The following TNIK variants were observed in gnomAD, a reference collection of about 807,000 sequenced individuals.
The protein encoded by TNIK is TRAF2 and NCK interacting kinase.
A neutral mutation model predicts 191.3 loss-of-function variants in TNIK; 49 were observed. The ratio of observed to expected loss-of-function variants is 0.26; its 90% CI spans 0.20 to 0.32. The LOEUF is 0.32. TNIK is among the 10% of genes least tolerant of loss of function. The probability of loss-of-function intolerance (pLI) is 1.00; values close to 1 mark genes in which losing one functional copy is unlikely to be tolerated. For missense variants in TNIK, 1,155 were observed against 1,702.3 expected, an observed-to-expected ratio of 0.68 and a Z score of 5.66; for synonymous variants, 594 against 600.9, an observed-to-expected ratio of 0.99 and a Z score of 0.17.
chr3:171,184,098 T>C (rs1003825847), intron 7 of TNIK, among the ~76,000 whole-genome samples: 2 of 152,096 alleles, frequency 1.3e-5, no homozygotes, highest in Non-Finnish European at 2.9e-5. Flanking sequence ...AACCTCCGAA[T>C]AAACAATTTA....
intron 20 of TNIK, 91 bp downstream of exon 20, chr3:171,107,974 G>A (rs1176878159): frequency 7.8e-7 from 1 of 1,284,058 alleles, no homozygotes; most frequent in South Asian, 1.4e-5. Context: ...AACAATTTTT[G>A]TTTGCATCAT....
chr3:171,459,706 A>ACACACACACACG (rs1553784810), intron 1 of TNIK, among the ~76,000 whole-genome samples: 11 of 150,266 alleles, frequency 7.3e-5, no homozygotes, highest in Non-Finnish European at 1.2e-4. Flanking sequence ...ACACACACGC[A>ACACACACACACG]CACACGCCTT....
At chr3:171,406,940 A>T (rs1168620279) in intron 1 of TNIK, among the ~76,000 whole-genome samples, 1 of 152,238 alleles carries the variant, frequency 6.6e-6, no homozygotes, top group South Asian at 2.1e-4. Flanking sequence ...CTGTACCTTG[A>T]AGAAAGAAGG....
At chr3:171,363,449 T>C (rs1300142002) in intron 2 of TNIK, among the ~76,000 whole-genome samples, 1 of 152,194 alleles carries the variant, frequency 6.6e-6, no homozygotes, top group Non-Finnish European at 1.5e-5. Flanking sequence ...ACAGGGCTTT[T>C]TTCATGGGCA....
chr3:171,324,714 T>A (rs1755547004), intron 2 of TNIK, among the ~76,000 whole-genome samples: 1 of 151,906 alleles, frequency 6.6e-6, no homozygotes, highest in East Asian at 1.9e-4. Flanking sequence ...GTTGTTATTG[T>A]TGTTGTTTTT....
rs549824954 is a variant in TNIK at position 171,222,721 on chromosome 3, A to G, written c.180+5444T>C. 4.6e-5 allele frequency among the ~76,000 whole-genome samples: 7 copies of G among 152,296 alleles called. No individual in the cohort carries two copies. In the South Asian group the frequency reaches 1.5e-3, roughly 32 times the overall value. On this transcript the variant is annotated intron_variant, in intron 3 of 32. Transcript: ENST00000436636. ...AAGACCACTTCCTTACTCTTCAGAA[A>G]GAGATGGAGGCTGGTCATAAGCTTC...
intron 2 of TNIK, among the ~76,000 whole-genome samples, chr3:171,279,962 A>G (rs527965979): frequency 2.3e-4 from 35 of 152,308 alleles, no homozygotes; most frequent in African/African-American, 7.7e-4. Context: ...CATGCACCAT[A>G]AAGAAAAAGA....
At chr3:171,118,661 T>C (rs1288706739) in intron 18 of TNIK, among the ~76,000 whole-genome samples, 10 of 152,096 alleles carry the variant, frequency 6.6e-5, no homozygotes, top group South Asian at 2.1e-4. Context: ...TGATCTTTGA[T>C]AAACCTGACA....
rs779072977 is a variant in TNIK, at chr3:171,157,496, G to A, written c.1185C>T (p.Ile395=). ...GCCGCCTCTGCTCTTTCTGCTCCTCGATGCGCTTCTGACGCTCGGCCAGCA... is the reference window on the plus strand; with the variant it reads ...GCCGCCTCTGCTCTTTCTGCTCCTCAATGCGCTTCTGACGCTCGGCCAGCA... The part of the protein sequence containing the change: ...RQLLAERQKR[I]EEQKEQRRRL... The change falls in exon 12 of 33, where the codon ATC becomes ATT. Residue 395 remains isoleucine, a synonymous_variant. Coordinates refer to ENST00000436636, the MANE Select transcript of TNIK (RefSeq NM_015028.4). The A allele has an allele frequency of 1.9e-5, 30 of 1,575,050 alleles. No individual in the cohort carries two copies. The highest frequency in any genetic ancestry group is 2.4e-5 in the East Asian group (1 of 42,504).
intron 2 of TNIK, among the ~76,000 whole-genome samples, chr3:171,284,424 G>A (rs1039462215): frequency 2.0e-5 from 3 of 151,932 alleles, no homozygotes; most frequent in African/African-American, 4.8e-5. Context: ...CTTCACACCC[G>A]CTTTCCAGGG....
intron 20 of TNIK, among the ~76,000 whole-genome samples, chr3:171,107,639 TC>T (rs1345702979): frequency 1.3e-5 from 2 of 152,090 alleles, no homozygotes; most frequent in African/African-American, 2.4e-5. Flanking sequence ...GAAAATATAG[TC>T]CTGGAGGCAT....
intron 2 of TNIK, among the ~76,000 whole-genome samples, chr3:171,313,132 A>C (rs560051395): frequency 6.6e-6 from 1 of 152,284 alleles, no homozygotes; most frequent in South Asian, 2.1e-4. Context: ...ACCAGCAGGT[A>C]GTTTATAAAC....
At chr3:171,082,707 C>T in intron 26 of TNIK, 1 of 233,848 alleles carries the variant, frequency 4.3e-6, no homozygotes, top group Non-Finnish European at 8.3e-6. Context: ...GCCTTTATTC[C>T]CTGCCTGGAA....
At chr3:171,254,072 G>A (rs1404610443) in intron 2 of TNIK, among the ~76,000 whole-genome samples, 1 of 152,068 alleles carries the variant, frequency 6.6e-6, no homozygotes, top group Non-Finnish European at 1.5e-5. Flanking sequence ...TCATCCCAAA[G>A]TGCAAATGAT....
intron 19 of TNIK, among the ~76,000 whole-genome samples, chr3:171,110,135 G>A (rs905359859): frequency 6.6e-6 from 1 of 152,118 alleles, no homozygotes; most frequent in Non-Finnish European, 1.5e-5. Context: ...TGGAACTCCC[G>A]ACCTTAGGTG....
At chr3:171,453,158 C>T (rs1377327201) in intron 1 of TNIK, among the ~76,000 whole-genome samples, 3 of 152,072 alleles carry the variant, frequency 2.0e-5, no homozygotes, top group Admixed American at 6.6e-5. Context: ...ATTTGTTGAA[C>T]GAACGCCTGC....
chr3:171,389,469 C>CCCAG (rs1719177841), intron 1 of TNIK, among the ~76,000 whole-genome samples: 1 of 152,046 alleles, frequency 6.6e-6, no homozygotes, highest in South Asian at 2.1e-4. Flanking sequence ...AAGTCAAGAC[C>CCCAG]CCAGTCTCAA....
intron 2 of TNIK, among the ~76,000 whole-genome samples, chr3:171,296,094 A>AC (rs1376497769): frequency 6.6e-6 from 1 of 152,214 alleles, no homozygotes; most frequent in Non-Finnish European, 1.5e-5. Context: ...GTTACTCCCA[A>AC]AATGCTATAA....
At chr3:171,387,535 T>C (rs1718892046) in intron 1 of TNIK, among the ~76,000 whole-genome samples, 1 of 152,214 alleles carries the variant, frequency 6.6e-6, no homozygotes, top group South Asian at 2.1e-4. Flanking sequence ...TCATGTGCCC[T>C]TCTCAGTCAC....
Sources: gnomAD v4.1 joint callset for allele counts (sites outside exome capture counted in the v4.1 genomes callset) on GRCh38, gnomAD v4.1.1 for gene constraint, MANE v1.5 for transcripts, NCBI Gene and HGNC (gene_info 2026-07-23, HGNC 2026-07-21) for gene names.